Variants in CHD7 observed in about 807,000 individuals in gnomAD.
CHD7 encodes the protein ATP-dependent chromatin remodeler CHD7.
In CHD7, 24 loss-of-function variants were observed where a neutral mutation model predicts 307.3. That is an observed-to-expected ratio of 0.08 (90% confidence interval 0.06 to 0.11). The LOEUF (loss-of-function observed/expected upper bound fraction) is 0.11, where lower values mean the gene tolerates loss of function less well. CHD7 is among the 10% of genes least tolerant of loss of function. CHD7 has a pLI of 1.00. For missense variants in CHD7, 3,106 were observed against 3,727.1 expected (o/e 0.83, Z 4.34); for synonymous variants, 1,363 against 1,349.9 (o/e 1.01, Z -0.21).
At chr8:60,709,827 A>G (rs560654502) in intron 1 of CHD7, among the ~76,000 whole-genome samples, 3 of 152,338 alleles carry the variant, frequency 2.0e-5, no homozygotes, top group South Asian at 2.1e-4. Context: ...TTCAATAGCA[A>G]TGGTAATAGA....
intron 1 of CHD7, among the ~76,000 whole-genome samples, chr8:60,687,213 G>A (rs1293966737): frequency 2.6e-5 from 4 of 152,122 alleles, no homozygotes; most frequent in Non-Finnish European, 5.9e-5. Context: ...GAAGTCCCTC[G>A]AAGAATTATA....
At chr8:60,818,985 C>T (rs2150743252) in intron 8 of CHD7, among the ~76,000 whole-genome samples, 1 of 152,202 alleles carries the variant, frequency 6.6e-6, no homozygotes. Context: ...GGAGTGTCGC[C>T]CTCTGTCACC....
At chr8:60,729,347 T>A (rs539819465) in intron 1 of CHD7, among the ~76,000 whole-genome samples, 136 of 152,200 alleles carry the variant, frequency 8.9e-4, no homozygotes, top group Admixed American at 2.2e-3. Flanking sequence ...ATTCTTTAGG[T>A]TTGTTTAATA....
intron 1 of CHD7, among the ~76,000 whole-genome samples, chr8:60,721,941 CCTG>C (rs1807930078): frequency 6.6e-6 from 1 of 152,180 alleles, no homozygotes; most frequent in Non-Finnish European, 1.5e-5. Context: ...TTTAGGTCCT[CCTG>C]CTCTTCATAC....
At chr8:60,832,102 G>A (rs1398384924) in intron 15 of CHD7, among the ~76,000 whole-genome samples, 1 of 152,046 alleles carries the variant, frequency 6.6e-6, no homozygotes, top group African/African-American at 2.4e-5. Flanking sequence ...GCTCACTGCA[G>A]CCTCGACCTC....
rs1808993703 is a variant in CHD7 at position 60,741,380 on chromosome 8, A to G, written c.-53A>G. On this transcript the variant is annotated 5_prime_UTR_variant, in exon 2 of 38. Transcript: ENST00000423902. ...GAGGGCAAACACCTCAGTGAAGTGA[A>G]GCACAGGCAAGCTCCTGAGCTGTGG... The G allele has an allele frequency of 7.5e-7, 1 of 1,335,544 alleles. No homozygotes were observed. Among genetic ancestry groups the G allele is most frequent in the Non-Finnish European group, 1.0e-6 (1 of 965,318 alleles). The allele number at this position is 1,335,544 out of a possible 1,614,324, so 82.7% of individuals were successfully genotyped here. A position where few individuals can be genotyped will look rare whatever the true frequency, so the allele number is the denominator to read the frequency against.
At position 60,820,049 on chromosome 8, in the gene CHD7, C is replaced by A. The variant is rs772260091; in HGVS notation, c.2656C>A (p.Arg886=). The change falls in exon 9 of 38, where the codon CGG becomes AGG. Residue 886 remains arginine (R), a synonymous_variant. Transcript: ENST00000423902. ...LFNPDYVEVD[R]IMDFARSTDD... ...TAATCCAGATTATGTGGAGGTTGAC[C>A]GGATAATGGACTTTGCACGTAGCAC... 1 of 1,610,368 alleles carries A rather than the reference C, an allele frequency of 6.2e-7. No individual in the cohort carries two copies. Among genetic ancestry groups the A allele is most frequent in the South Asian group, 1.1e-5 (1 of 90,322 alleles).
intron 2 of CHD7, among the ~76,000 whole-genome samples, chr8:60,744,514 A>G (rs11993480): frequency 0.74 from 87,690 of 118,126 alleles, 33,181 homozygotes; most frequent in East Asian, 0.93. Flanking sequence ...TAGTGGTGAT[A>G]ATTGTCTTCT....
At chr8:60,832,174 A>C (rs930613374) in intron 15 of CHD7, among the ~76,000 whole-genome samples, 1 of 152,116 alleles carries the variant, frequency 6.6e-6, no homozygotes, top group Non-Finnish European at 1.5e-5. Flanking sequence ...GGCATGCGCC[A>C]CAACGCCCAG....
At chr8:60,753,180 A>G (rs770212628) in intron 2 of CHD7, among the ~76,000 whole-genome samples, 1 of 152,274 alleles carries the variant, frequency 6.6e-6, no homozygotes, top group East Asian at 1.9e-4. Context: ...GCTAAGTAGT[A>G]TTTCATTTTT....
At chr8:60,821,454 T>C (rs189196592) in intron 9 of CHD7, among the ~76,000 whole-genome samples, 1 of 152,026 alleles carries the variant, frequency 6.6e-6, no homozygotes, top group African/African-American at 2.4e-5. Flanking sequence ...CAATTCAGAC[T>C]TACTCATGCT....
intron 29 of CHD7, 120 bp from the exon 30 acceptor site, chr8:60,852,378 T>A: frequency 7.8e-7 from 1 of 1,285,152 alleles, no homozygotes; most frequent in East Asian, 2.4e-5. Flanking sequence ...AACAAAGCAG[T>A]CTGTTTCCCC....
chr8:60,679,825 C>T (rs1439337675), intron 1 of CHD7: 2 of 149,800 alleles, frequency 1.3e-5, no homozygotes, highest in African/African-American at 4.9e-5. Context: ...CGCGGGGCGC[C>T]GCGTGGGGCG....
chr8:60,839,938 A>G lies in CHD7; in HGVS notation c.4533+1683A>G, dbSNP rs373371070. ...ATTTTATCGCTTGTGTTTTTAGTGC[A>G]TTGTCAAACCCAAGCTCACAAAGAT... On this transcript the variant is annotated intron_variant, in intron 19 of 37. Coordinates refer to ENST00000423902, the MANE Select transcript of CHD7 (RefSeq NM_017780.4). 1.6e-4 allele frequency among the ~76,000 whole-genome samples: 25 copies of G among 152,214 alleles called. No individual in the cohort carries two copies. The South Asian group carries it at 4.6e-3, about 28-fold the overall frequency.
rs753213307 is a variant in CHD7 at position 60,823,908 on chromosome 8, T to C, written c.3270T>C (p.Asp1090=). Residue 1090 remains aspartate (D), a synonymous_variant, in exon 13 of 38, where the codon GAT becomes GAC. Transcript: ENST00000423902. ...IITTFEMILT[D]CPELRNIPWR... Reference sequence around the variant, plus strand: ...CTACATTTGAGATGATTTTGACTGATTGTCCTGAGCTGCGGAATATTCCAT... The same window carrying C: ...CTACATTTGAGATGATTTTGACTGACTGTCCTGAGCTGCGGAATATTCCAT... 1.2e-5 allele frequency: 20 copies of C among 1,613,794 alleles called. No homozygotes were observed. Among genetic ancestry groups the C allele is most frequent in the Middle Eastern group, 3.3e-4 (2 of 6,084 alleles).
intron 2 of CHD7, among the ~76,000 whole-genome samples, chr8:60,772,105 C>A (rs966003213): frequency 3.3e-5 from 5 of 152,200 alleles, no homozygotes; most frequent in African/African-American, 1.2e-4. Context: ...TTTTATAGGA[C>A]AAGAGTAGTC....
intron 2 of CHD7, among the ~76,000 whole-genome samples, chr8:60,770,476 T>C (rs935451992): frequency 3.3e-5 from 5 of 152,218 alleles, no homozygotes; most frequent in African/African-American, 9.6e-5. Flanking sequence ...TTAATTGCTT[T>C]GGTGTCTTCT....
intron 3 of CHD7, among the ~76,000 whole-genome samples, chr8:60,792,738 A>G (rs949881966): frequency 6.6e-6 from 1 of 152,160 alleles, no homozygotes; most frequent in African/African-American, 2.4e-5. Context: ...CTGTAGGACC[A>G]CGCATGCAGG....
rs2150489852 is a variant in CHD7 at position 60,691,791 on chromosome 8, A to G, written c.-175+12709A>G. Among the ~76,000 whole-genome samples the G allele has an allele frequency of 1.3e-5, 2 of 152,376 alleles. 1 individual carries two copies. Among genetic ancestry groups the G allele is most frequent in the Middle Eastern group, 6.8e-3 (2 of 294 alleles). On this transcript the variant is annotated intron_variant, in intron 1 of 37. Coordinates refer to ENST00000423902, the MANE Select transcript of CHD7 (RefSeq NM_017780.4). The stretch of plus-strand genomic sequence containing the variant: ...GTAACTTTCTTACCTGTTTTCTCCA[A>G]GAAACTCGTAAAGTGTGTTTGTTTT...
Sources: gnomAD v4.1 joint callset for allele counts (sites outside exome capture counted in the v4.1 genomes callset) on GRCh38, gnomAD v4.1.1 for gene constraint, MANE v1.5 for transcripts, NCBI Gene and HGNC (gene_info 2026-07-23, HGNC 2026-07-21) for gene names.